Variants in PTPRM observed in about 807,000 individuals in gnomAD.
PTPRM encodes receptor-type tyrosine-protein phosphatase mu.
A neutral mutation model predicts 186.7 loss-of-function variants in PTPRM; 47 were observed. The ratio of observed to expected loss-of-function variants is 0.25; its 90% CI spans 0.20 to 0.32. PTPRM has a LOEUF of 0.32. Among genes scored for constraint, PTPRM ranks in the 10% least tolerant of loss-of-function variants. The pLI, the probability that PTPRM is intolerant of heterozygous loss-of-function variation, is 1.00. For synonymous variants in PTPRM, 668 were observed against 674.9 expected (o/e 0.99, Z 0.16); for missense variants, 1,494 against 1,865.0 (o/e 0.80, Z 3.66).
At chr18:8,068,041 A>C (rs2089214094) in intron 7 of PTPRM, among the ~76,000 whole-genome samples, 1 of 152,202 alleles carries the variant, frequency 6.6e-6, no homozygotes, top group South Asian at 2.1e-4. Context: ...TGTAGTTGTC[A>C]GGTCTAAATT....
chr18:7,652,453 C>G (rs147787599), intron 1 of PTPRM, among the ~76,000 whole-genome samples: 3,710 of 152,068 alleles, frequency 0.024, 75 homozygotes, highest in South Asian at 0.074. Flanking sequence ...CACATGCAAA[C>G]GTATGTTTAT....
intron 14 of PTPRM, among the ~76,000 whole-genome samples, chr18:8,186,804 C>G (rs1415593419): frequency 6.6e-6 from 1 of 152,184 alleles, no homozygotes; most frequent in Non-Finnish European, 1.5e-5. Flanking sequence ...CATCTAGATA[C>G]TAATAAAATA....
At chr18:7,585,346 G>A (rs1203703392) in intron 1 of PTPRM, among the ~76,000 whole-genome samples, 1 of 152,178 alleles carries the variant, frequency 6.6e-6, no homozygotes, top group East Asian at 1.9e-4. Flanking sequence ...GATGCAGAAA[G>A]GAGAACATCT....
chr18:8,344,393 T>TAA (rs1286528200), intron 23 of PTPRM, among the ~76,000 whole-genome samples: 3 of 150,006 alleles, frequency 2.0e-5, no homozygotes, highest in South Asian at 2.1e-4. Context: ...GATATATATA[T>TAA]ATATACATAC....
rs568751643 is a variant in PTPRM at position 7,590,036 on chromosome 18, A to C, written c.73+22145A>C. On this transcript the variant is annotated intron_variant, in intron 1 of 32. Transcript: ENST00000580170. ...GGAAGCAGGTGGGTGTTGTTATCTT[A>C]TTACATGGATCTGGAAACAATGGTT... 2.6e-5 allele frequency among the ~76,000 whole-genome samples: 4 copies of C among 152,260 alleles called. No individual in the cohort carries two copies. The South Asian group carries it at 8.3e-4, about 32-fold the overall frequency.
At chr18:8,018,804 G>GTTTCATTAAAGA (rs2085034118) in intron 7 of PTPRM, among the ~76,000 whole-genome samples, 1 of 152,120 alleles carries the variant, frequency 6.6e-6, no homozygotes, top group Non-Finnish European at 1.5e-5. Context: ...GTGACATTCA[G>GTTTCATTAAAGA]TTTCATTAAA....
In PTPRM at chr18:8,370,955, A is replaced by C; in HGVS notation, c.3120A>C (p.Ile1040=). Residue 1040 remains isoleucine, a synonymous_variant, in exon 24 of 33, where the codon ATA becomes ATC. Coordinates refer to ENST00000580170, the MANE Select transcript of PTPRM (RefSeq NM_001105244.2). ...ATAAAGACATTAAAGTTACCCTAAT[A>C]GAAACAGAACTACTGGCAGAATATG... ...EIYKDIKVTL[I]ETELLAEYVI... 6.2e-7 allele frequency: 1 copy of C among 1,608,732 alleles called. No homozygotes were observed. Among genetic ancestry groups the C allele is most frequent in the Non-Finnish European group, 8.5e-7 (1 of 1,175,762 alleles).
intron 5 of PTPRM, among the ~76,000 whole-genome samples, chr18:7,945,575 C>T (rs35830277): frequency 0.19 from 29,379 of 152,106 alleles, 3,085 homozygotes; most frequent in African/African-American, 0.25. Context: ...TAAATTTCTT[C>T]ATAAATTTTA....
At chr18:7,768,649 T>TA (rs1491241784) in intron 1 of PTPRM, among the ~76,000 whole-genome samples, 6,513 of 34,922 alleles carry the variant, frequency 0.19, 391 homozygotes, top group East Asian at 0.42. Flanking sequence ...TATATATATA[T>TA]TTTTTTTTTT....
intron 1 of PTPRM, among the ~76,000 whole-genome samples, chr18:7,683,338 T>TA (rs772318948): frequency 4.6e-5 from 7 of 151,774 alleles, no homozygotes; most frequent in Admixed American, 2.0e-4. Context: ...CCTGGCTAAT[T>TA]AAAAAAAATG....
chr18:8,002,847 G>C (rs1436282604), intron 7 of PTPRM, among the ~76,000 whole-genome samples: 1 of 152,208 alleles, frequency 6.6e-6, no homozygotes, highest in East Asian at 1.9e-4. Context: ...AGATGGACAA[G>C]AAATGCTGAT....
intron 14 of PTPRM, among the ~76,000 whole-genome samples, chr18:8,194,803 C>T (rs1350932429): frequency 6.6e-6 from 1 of 152,210 alleles, no homozygotes; most frequent in Non-Finnish European, 1.5e-5. Context: ...GTTCAGTACT[C>T]CTGTTTGGGA....
intron 9 of PTPRM, among the ~76,000 whole-genome samples, chr18:8,079,512 C>T (rs2090011562): frequency 6.6e-6 from 1 of 152,038 alleles, no homozygotes; most frequent in Non-Finnish European, 1.5e-5. Flanking sequence ...TAAAATTTTA[C>T]AAGGTAGAAA....
chr18:8,180,185 G>A (rs1470360534), intron 14 of PTPRM, among the ~76,000 whole-genome samples: 2 of 152,194 alleles, frequency 1.3e-5, no homozygotes, highest in Non-Finnish European at 2.9e-5. Flanking sequence ...AGAAGGCAAG[G>A]TGTAGAGGTG....
At chr18:8,041,028 A>G (rs2086658963) in intron 7 of PTPRM, among the ~76,000 whole-genome samples, 2 of 152,170 alleles carry the variant, frequency 1.3e-5, no homozygotes, top group African/African-American at 4.8e-5. Context: ...TGTTGGTGGT[A>G]ATGACTTGGA....
At chr18:7,940,636 A>C (rs952120001) in intron 5 of PTPRM, among the ~76,000 whole-genome samples, 15 of 151,512 alleles carry the variant, frequency 9.9e-5, no homozygotes, top group African/African-American at 3.6e-4. Context: ...CGGCCATGGC[A>C]CAGTGGGACT....
At chr18:7,793,872 C>T (rs1486052777) in intron 2 of PTPRM, among the ~76,000 whole-genome samples, 2 of 151,932 alleles carry the variant, frequency 1.3e-5, no homozygotes, top group African/African-American at 4.8e-5. Context: ...AGCTGGACAT[C>T]GAGGGGAAAA....
intron 1 of PTPRM, among the ~76,000 whole-genome samples, chr18:7,571,354 ATAAG>A (rs2036562734): frequency 1.3e-5 from 2 of 152,234 alleles, no homozygotes; most frequent in Admixed American, 1.3e-4. Flanking sequence ...AAGATGGTAT[ATAAG>A]TAAGACATGA....
At position 7,949,167 on chromosome 18, in the gene PTPRM, C is replaced by T; in HGVS notation, c.664-14C>T. The T allele has an allele frequency of 6.3e-7, 1 of 1,580,498 alleles. No homozygotes were observed. Among genetic ancestry groups the T allele is most frequent in the Non-Finnish European group, 8.7e-7 (1 of 1,152,612 alleles). On this transcript the variant is annotated splice_polypyrimidine_tract_variant and intron_variant, in intron 5 of 32. Coordinates refer to ENST00000580170, the MANE Select transcript of PTPRM (RefSeq NM_001105244.2). ...TATTGCTTCTTTTTGTCCTCCCCAC[C>T]CCACTTGATACAGGGCATTGATGTG...
Sources: allele counts gnomAD v4.1 joint callset (sites outside exome capture counted in the v4.1 genomes callset), GRCh38; gene constraint gnomAD v4.1.1; transcripts MANE v1.5; gene names NCBI Gene and HGNC (gene_info 2026-07-23, HGNC 2026-07-21).